The following NECAP1 variants were observed in gnomAD, a reference collection of about 807,000 sequenced individuals.
NECAP1 encodes adaptin ear-binding coat-associated protein 1.
NECAP1 carries 13 observed loss-of-function variants against 33.4 expected under a neutral mutation model. The ratio of observed to expected loss-of-function variants is 0.39; its 90% CI spans 0.25 to 0.62. NECAP1 has a LOEUF of 0.62. Ranked by LOEUF, NECAP1 falls within the 20% of genes least tolerant of loss-of-function variation. The probability of loss-of-function intolerance (pLI) is 0.52; values close to 1 mark genes in which losing one functional copy is unlikely to be tolerated. For synonymous variants in NECAP1, 109 were observed against 125.2 expected (o/e 0.87, Z 0.86); for missense variants, 272 against 347.4 (o/e 0.78, Z 1.73).
At chr12:8,093,448 C>T (rs1444091074) in intron 6 of NECAP1, 6 of 193,020 alleles carry the variant, frequency 3.1e-5, no homozygotes, top group African/African-American at 7.2e-5. Flanking sequence ...ACCACCCCAG[C>T]GGGGACCTTG....
chr12:8,091,877 AG>A (rs779047142), intron 4 of NECAP1, 27 bp downstream of exon 4: 1 of 1,586,590 alleles, frequency 6.3e-7, no homozygotes, highest in African/African-American at 1.3e-5. Flanking sequence ...CTTAGTTACG[AG>A]GCTGAATGCT....
rs1947531022 is a variant in NECAP1, at chr12:8,090,218, G to C, written c.220G>C (p.Val74Leu). The C allele has an allele frequency of 3.7e-6, 6 of 1,614,098 alleles. No homozygotes were observed. In the South Asian group the frequency reaches 6.6e-5, roughly 18 times the overall value. ...AGGGGAGCTCTTTGCTCAGGCACCA[G>C]TAGAACAATATCCTGGTATTGCTGT... ...VSGELFAQAPVEQYPGIAVET... is the reference protein window; with the variant it reads ...VSGELFAQAPLEQYPGIAVET... The change falls in exon 3 of 8, where the codon GTA (valine) becomes CTA (leucine). Residue 74 changes from valine (V) to leucine (L), a missense_variant. Val to Leu is a conservative substitution (Grantham distance 32, BLOSUM62 1). Transcript: ENST00000339754.
rs560566294 is a variant in NECAP1, at chr12:8,085,726, CAG to C, written c.95+3346_95+3347del. 1.1e-3 allele frequency among the ~76,000 whole-genome samples: 118 copies of C among 108,850 alleles called. 1 individual carries two copies. The highest frequency in any genetic ancestry group is 0.026 in the Middle Eastern group (2 of 78). The allele number at this position is 108,850 out of a possible 152,430, so 71.4% of individuals were successfully genotyped here. Reference sequence around the variant, plus strand: ...TTTTTTTTTTTTTTTGTTGTTGAGACAGAGTCTCGCTCTGTCACCCAGGCTGG... The same window carrying C: ...TTTTTTTTTTTTTTTGTTGTTGAGACAGTCTCGCTCTGTCACCCAGGCTGG... On this transcript the variant is annotated intron_variant, in intron 1 of 7. Coordinates refer to ENST00000339754, the MANE Select transcript of NECAP1 (RefSeq NM_015509.4).
At chr12:8,095,556 A>C in intron 6 of NECAP1, 45 bp from the exon 7 acceptor site, 1 of 1,529,822 alleles carries the variant, frequency 6.5e-7, no homozygotes, top group African/African-American at 1.4e-5. Context: ...CCCTTCCAAG[A>C]TTTTGATTAT....
chr12:8,085,383 C>T (rs182907634), intron 1 of NECAP1, among the ~76,000 whole-genome samples: 2 of 152,316 alleles, frequency 1.3e-5, no homozygotes, highest in African/African-American at 4.8e-5. Context: ...CTTAGTTTTC[C>T]ACAACCTTTA....
In NECAP1 at chr12:8,082,384, G is replaced by A; in HGVS notation, c.95+1G>A. On this transcript the variant is annotated splice_donor_variant, in intron 1 of 7. Transcript: ENST00000339754. LOFTEE classifies it high-confidence loss of function. The stretch of plus-strand genomic sequence containing the variant: ...CCCGGGCCTCCAACCGCGGTTACAG[G>A]TACTAACCCCGAGGCGCTGCCGCAC... 4 of 1,613,072 alleles carry A rather than the reference G, an allele frequency of 2.5e-6. No individual in the cohort carries two copies. Among genetic ancestry groups the A allele is most frequent in the Non-Finnish European group, 3.4e-6 (4 of 1,179,216 alleles).
At position 8,089,940 on chromosome 12, in the gene NECAP1, T is replaced by A. The variant is rs2120475831; in HGVS notation, c.100T>A (p.Ser34Thr). 2 of 1,613,930 alleles carry A rather than the reference T, an allele frequency of 1.2e-6. No homozygotes were observed. Among genetic ancestry groups the A allele is most frequent in the South Asian group, 2.2e-5 (2 of 91,082 alleles). ...PRASNRGYRA[S>T]DWKLDQPDWT... is the part of the protein sequence containing the mutation. ...CTTCCTCTTTTCCTGTCCTAGGGCC[T>A]CTGACTGGAAATTAGACCAGCCTGA... Residue 34 changes from serine (S) to threonine (T), a missense_variant, in exon 2 of 8, where the codon TCT becomes ACT. By Grantham distance (58) the Ser-to-Thr change is moderately conservative (BLOSUM62 1). Coordinates refer to ENST00000339754, the MANE Select transcript of NECAP1 (RefSeq NM_015509.4).
At chr12:8,094,596 A>T (rs1248331440) in intron 6 of NECAP1, 1 of 152,280 alleles carries the variant, frequency 6.6e-6, no homozygotes, top group Non-Finnish European at 1.5e-5. Context: ...CCTCCCAAAC[A>T]TCTGGGACTA....
chr12:8,083,256 A>C lies in NECAP1; in HGVS notation c.95+873A>C, dbSNP rs752725369. On this transcript the variant is annotated intron_variant, in intron 1 of 7. Transcript: ENST00000339754. ...TGAGTGTGAGCCCTTTCCAAGCCTC[A>C]ATTTTCTCATCTGTAAAATAGAAAA... 1.2e-4 allele frequency among the ~76,000 whole-genome samples: 19 copies of C among 152,002 alleles called. No homozygotes were observed. In the South Asian group the frequency reaches 3.9e-3, roughly 32 times the overall value.
At chr12:8,093,315 T>A (rs2120487947) in intron 6 of NECAP1, 1 of 441,366 alleles carries the variant, frequency 2.3e-6, no homozygotes, top group East Asian at 4.3e-5. Flanking sequence ...GCTTATAAGC[T>A]TTTGAGTCAG....
Position 8,097,054 on chromosome 12 carries a change from T to C in NECAP1, c.*964T>C, listed in dbSNP as rs983734155. 4.6e-5 allele frequency: 7 copies of C among 152,696 alleles called. No homozygotes were observed. Among genetic ancestry groups the C allele is most frequent in the African/African-American group, 1.7e-4 (7 of 41,462 alleles). The allele number at this position is 152,696 out of a possible 1,614,324, so 9.5% of individuals were successfully genotyped here. A position where few individuals can be genotyped will look rare whatever the true frequency, so the allele number is the denominator to read the frequency against. On this transcript the variant is annotated 3_prime_UTR_variant, in exon 8 of 8. Coordinates refer to ENST00000339754, the MANE Select transcript of NECAP1 (RefSeq NM_015509.4). ...CTCATTGCCTTGCTGCCTGGGTATCTGGCCCCTTTCCATAAACATTTCTTT... is the reference window on the plus strand; with the variant it reads ...CTCATTGCCTTGCTGCCTGGGTATCCGGCCCCTTTCCATAAACATTTCTTT...
intron 1 of NECAP1, among the ~76,000 whole-genome samples, chr12:8,083,817 G>A (rs1832263967): frequency 6.8e-6 from 1 of 147,680 alleles, no homozygotes; most frequent in African/African-American, 2.5e-5. Flanking sequence ...ACAGCTCACG[G>A]CAGCTGTGTA....
At position 8,085,686 on chromosome 12, in the gene NECAP1, C is replaced by CTTCTTTTTTTTTTTTTTTTTTTTT. The variant is rs1947481617; in HGVS notation, c.95+3305_95+3306insCTTTTTTTTTTTTTTTTTTTTTTT. 4.8e-5 allele frequency among the ~76,000 whole-genome samples: 5 copies of CTTCTTTTTTTTTTTTTTTTTTTTT among 104,810 alleles called. 2 individuals are homozygous for CTTCTTTTTTTTTTTTTTTTTTTTT. Among genetic ancestry groups the CTTCTTTTTTTTTTTTTTTTTTTTT allele is most frequent in the Non-Finnish European group, 1.8e-5 (1 of 57,056 alleles). The allele number at this position is 104,810 out of a possible 152,430, so 68.8% of individuals were successfully genotyped here. ...TTGTAGGATCCTCTCACTTAATCTT[C>CTTCTTTTTTTTTTTTTTTTTTTTT]TTTTTTTTTTTTTTTTTTTTTTTTT... On this transcript the variant is annotated intron_variant, in intron 1 of 7. Transcript: ENST00000339754.
chr12:8,090,282 G>T lies in NECAP1; in HGVS notation c.284G>T (p.Arg95Leu). 6.2e-7 allele frequency: 1 copy of T among 1,614,102 alleles called. No homozygotes were observed. The highest frequency in any genetic ancestry group is 8.5e-7 in the Non-Finnish European group (1 of 1,179,994). Residue 95 changes from arginine to leucine, a missense_variant, in exon 3 of 8, where the codon CGG (arginine) becomes CTG (leucine). Arg to Leu is a moderately radical substitution (Grantham distance 102, BLOSUM62 -2). Transcript: ENST00000339754. ...GATTCTAGCCGCTACTTTGTAATCC[G>T]GATCCAGGATGGTACTGGTAAGAGA... ...VTDSSRYFVI[R>L]IQDGTGRSAF...
In NECAP1 at chr12:8,082,294, G is replaced by A. The variant is rs765219141; in HGVS notation, c.6G>A (p.Ala2=). 3.1e-6 allele frequency: 5 copies of A among 1,593,060 alleles called. No individual in the cohort carries two copies. The highest frequency in any genetic ancestry group is 4.3e-6 in the Non-Finnish European group (5 of 1,162,550). M[A]TELEYESVLC... is the part of the protein sequence containing the mutation. ...GCGCCGACAGCGGACCCAAGATGGC[G>A]ACCGAGTTGGAGTACGAGTCTGTGC... Residue 2 remains alanine, a synonymous_variant, in exon 1 of 8, where the codon GCG becomes GCA. Transcript: ENST00000339754.
chr12:8,082,464 C>T, intron 1 of NECAP1, 81 bp downstream of exon 1: 1 of 1,256,186 alleles, frequency 8.0e-7, no homozygotes, highest in Non-Finnish European at 1.1e-6. Context: ...GCTGTCCGTC[C>T]CTGCCACTAC....
chr12:8,090,345 T>G, intron 3 of NECAP1, 46 bp downstream of exon 3: 1 of 1,480,106 alleles, frequency 6.8e-7, no homozygotes, highest in Non-Finnish European at 9.4e-7. Flanking sequence ...GGAAAACAGG[T>G]GAATGCACAG....
intron 7 of NECAP1, 130 bp from the exon 8 acceptor site, chr12:8,095,912 G>A (rs1947589806): frequency 4.8e-6 from 6 of 1,260,664 alleles, no homozygotes; most frequent in Non-Finnish European, 6.7e-6. Flanking sequence ...TCAGGCCTTT[G>A]TAAGTAGAAT....
In NECAP1 at chr12:8,092,919, G is replaced by A. The variant is rs1321838544; in HGVS notation, c.540G>A (p.Arg180=). The change falls in exon 6 of 8, where the codon AGG becomes AGA. Residue 180 remains arginine, a synonymous_variant. Transcript: ENST00000339754. ...KGGASKPRTA[R]GGGLSLLPPP... is the part of the protein sequence containing the mutation. Reference sequence around the variant, plus strand: ...GTGCTTCTAAGCCCAGGACTGCAAGGGGTGGGGGTCTGAGCTTACTCCCAC... The same window carrying A: ...GTGCTTCTAAGCCCAGGACTGCAAGAGGTGGGGGTCTGAGCTTACTCCCAC... 6.3e-7 allele frequency: 1 copy of A among 1,592,754 alleles called. No individual in the cohort carries two copies. Among genetic ancestry groups the A allele is most frequent in the Non-Finnish European group, 8.5e-7 (1 of 1,170,196 alleles).
Sources: allele counts gnomAD v4.1 joint callset (sites outside exome capture counted in the v4.1 genomes callset), GRCh38; gene constraint gnomAD v4.1.1; transcripts MANE v1.5; gene names NCBI Gene and HGNC (gene_info 2026-07-23, HGNC 2026-07-21).